The following SLC9A9 variants were observed in gnomAD, a reference collection of about 807,000 sequenced individuals.
SLC9A9 encodes solute carrier family 9 member A9.
A neutral mutation model predicts 77.8 loss-of-function variants in SLC9A9; 62 were observed. That is an observed-to-expected ratio of 0.80 (90% CI 0.65 to 0.98). The LOEUF is 0.98. SLC9A9 is among the 50% of genes least tolerant of loss of function. SLC9A9 has a pLI of 0.00. For synonymous variants in SLC9A9, 320 were observed against 283.5 expected, an observed-to-expected ratio of 1.13 and a Z score of -1.29; for missense variants, 775 against 774.9, an observed-to-expected ratio of 1.00 and a Z score of 0.00.
Position 143,767,257 on chromosome 3 carries a change from G to T in SLC9A9, c.533+27744C>A, listed in dbSNP as rs146279962. Among the ~76,000 whole-genome samples, 456 of 152,198 alleles carry T rather than the reference G, an allele frequency of 3.0e-3. 5 individuals carry two copies. The highest frequency in any genetic ancestry group is 9.1e-3 in the African/African-American group (377 of 41,518). The stretch of plus-strand genomic sequence containing the variant: ...CTTTGGGCAGGACCGGGTAACAAGA[G>T]CTTAGAAGATGAATTTCCCATACTG... On this transcript the variant is annotated intron_variant, in intron 4 of 15. Coordinates refer to ENST00000316549, the MANE Select transcript of SLC9A9 (RefSeq NM_173653.4).
In SLC9A9 at chr3:143,634,667, C is replaced by T. The variant is rs113873209; in HGVS notation, c.755+17588G>A. ...ATGTTTATTGCTTCACACACACACA[C>T]ATATAGAGACAGAGAGATCCATATT... is the stretch of plus-strand genomic sequence containing the variant. On this transcript the variant is annotated intron_variant, in intron 6 of 15. Coordinates refer to ENST00000316549, the MANE Select transcript of SLC9A9 (RefSeq NM_173653.4). Among the ~76,000 whole-genome samples, 1,081 of 152,180 alleles carry T rather than the reference C, an allele frequency of 7.1e-3. 12 individuals carry two copies. Among genetic ancestry groups the T allele is most frequent in the African/African-American group, 0.024 (999 of 41,518 alleles).
chr3:143,815,681 T>C (rs145340361), intron 2 of SLC9A9, among the ~76,000 whole-genome samples: 1,539 of 151,528 alleles, frequency 0.01, 13 homozygotes, highest in Non-Finnish European at 0.018. Flanking sequence ...CTGGCCAACA[T>C]GGTGAAATCC....
At chr3:143,340,084 T>A (rs79395877) in intron 14 of SLC9A9, among the ~76,000 whole-genome samples, 17 of 152,288 alleles carry the variant, frequency 1.1e-4, no homozygotes, top group Admixed American at 1.1e-3. Flanking sequence ...TTGATTAAAC[T>A]GATGTTAGAA....
At chr3:143,417,696 C>T (rs536063465) in intron 12 of SLC9A9, among the ~76,000 whole-genome samples, 2 of 152,176 alleles carry the variant, frequency 1.3e-5, no homozygotes, top group African/African-American at 2.4e-5. Context: ...GGAACAGACT[C>T]TGCCAGCACT....
At chr3:143,671,495 A>G (rs570741367) in intron 5 of SLC9A9, among the ~76,000 whole-genome samples, 1 of 152,314 alleles carries the variant, frequency 6.6e-6, no homozygotes, top group South Asian at 2.1e-4. Flanking sequence ...ACCCAAGAAC[A>G]CAATGTGAAA....
intron 3 of SLC9A9, among the ~76,000 whole-genome samples, chr3:143,795,728 CCAAAA>C (rs1405292186): frequency 6.6e-6 from 1 of 152,056 alleles, no homozygotes; most frequent in Non-Finnish European, 1.5e-5. Context: ...GACTGTGTCT[CCAAAA>C]CAAAACAAAA....
intron 12 of SLC9A9, among the ~76,000 whole-genome samples, chr3:143,406,608 A>T (rs571792950): frequency 6.6e-6 from 1 of 152,112 alleles, no homozygotes; most frequent in Non-Finnish European, 1.5e-5. Context: ...TTTTTCCTGT[A>T]TCTTAAAAAG....
chr3:143,411,108 T>C lies in SLC9A9; in HGVS notation c.1470-28994A>G, dbSNP rs551933802. 4.5e-4 allele frequency among the ~76,000 whole-genome samples: 69 copies of C among 152,332 alleles called. 3 individuals are homozygous for C. The highest frequency in any genetic ancestry group is 3.3e-3 in the Admixed American group (50 of 15,308). Reference sequence around the variant, plus strand: ...ACAATCCTTATAAATTTATTAAGAATTTCTTTATGTCTACAGGTGTCATTT... The same window carrying C: ...ACAATCCTTATAAATTTATTAAGAACTTCTTTATGTCTACAGGTGTCATTT... On this transcript the variant is annotated intron_variant, in intron 12 of 15. Transcript: ENST00000316549.
At chr3:143,793,142 C>T (rs1025793769) in intron 4 of SLC9A9, among the ~76,000 whole-genome samples, 2 of 151,942 alleles carry the variant, frequency 1.3e-5, no homozygotes, top group East Asian at 1.9e-4. Flanking sequence ...GGACAACCAA[C>T]AATTTAAAAT....
chr3:143,673,384 G>A (rs540992704), intron 5 of SLC9A9, among the ~76,000 whole-genome samples: 28 of 152,206 alleles, frequency 1.8e-4, no homozygotes, highest in African/African-American at 6.3e-4. Context: ...GATGATTGTC[G>A]ACACGAATTA....
chr3:143,844,863 C>T (rs946009901), intron 1 of SLC9A9, among the ~76,000 whole-genome samples: 1 of 151,606 alleles, frequency 6.6e-6, no homozygotes, highest in African/African-American at 2.4e-5. Flanking sequence ...GCTCAAAAAG[C>T]TTAAGTTTTA....
At chr3:143,324,171 G>A (rs1379621217) in intron 14 of SLC9A9, among the ~76,000 whole-genome samples, 1 of 152,050 alleles carries the variant, frequency 6.6e-6, no homozygotes, top group African/African-American at 2.4e-5. Context: ...AGAGGGAGGG[G>A]CAGAACAGCA....
intron 9 of SLC9A9, among the ~76,000 whole-genome samples, chr3:143,520,401 G>T (rs2036276940): frequency 1.3e-5 from 2 of 152,212 alleles, no homozygotes; most frequent in Admixed American, 1.3e-4. Context: ...AAACCAGGAA[G>T]AGAGTCCTCA....
chr3:143,426,279 G>A (rs1017414764), intron 12 of SLC9A9, among the ~76,000 whole-genome samples: 1 of 152,184 alleles, frequency 6.6e-6, no homozygotes, highest in Non-Finnish European at 1.5e-5. Context: ...TATTGGCACA[G>A]GTTGTAGCAG....
intron 14 of SLC9A9, among the ~76,000 whole-genome samples, chr3:143,320,691 C>T (rs1316032314): frequency 6.6e-6 from 1 of 152,228 alleles, no homozygotes; most frequent in African/African-American, 2.4e-5. Flanking sequence ...TCAGGCCCCA[C>T]TTCCAACATT....
At position 143,658,585 on chromosome 3, in the gene SLC9A9, C is replaced by CT. The variant is rs977897144; in HGVS notation, c.650-6226dup. 9.9e-4 allele frequency among the ~76,000 whole-genome samples: 150 copies of CT among 152,054 alleles called. 1 individual carries two copies. Among genetic ancestry groups the CT allele is most frequent in the African/African-American group, 3.0e-3 (123 of 41,486 alleles). On this transcript the variant is annotated intron_variant, in intron 5 of 15. Coordinates refer to ENST00000316549, the MANE Select transcript of SLC9A9 (RefSeq NM_173653.4). ...GCTGATATTTATATTTGTTTAAGCCCTTTTTTTTGAAATGTAAGGCTTTGT... is the reference window on the plus strand; with the variant it reads ...GCTGATATTTATATTTGTTTAAGCCCTTTTTTTTTGAAATGTAAGGCTTTGT...
Position 143,795,042 on chromosome 3 carries a change from C to A in SLC9A9, c.492G>T (p.Thr164=), listed in dbSNP as rs138955013. 3 of 1,613,492 alleles carry A rather than the reference C, an allele frequency of 1.9e-6. No individual in the cohort carries two copies. The highest frequency in any genetic ancestry group is 1.1e-5 in the South Asian group (1 of 91,068). The change falls in exon 4 of 16, where the codon ACG becomes ACT. Residue 164 remains threonine, a synonymous_variant. Coordinates refer to ENST00000316549, the MANE Select transcript of SLC9A9 (RefSeq NM_173653.4). ...AGATGGCAGTTCCCAAGAAGGCATA[C>A]GTTAAAATAGATCCTAAGTTTTGAA... The part of the protein sequence containing the change: ...HFFQNLGSIL[T]YAFLGTAISC...
intron 14 of SLC9A9, among the ~76,000 whole-genome samples, chr3:143,317,321 G>A (rs1484308711): frequency 2.0e-5 from 3 of 151,712 alleles, no homozygotes; most frequent in Non-Finnish European, 2.9e-5. Context: ...GCTCCTGCCC[G>A]AGGAGCTACT....
intron 12 of SLC9A9, among the ~76,000 whole-genome samples, chr3:143,436,497 G>C (rs958718026): frequency 2.6e-5 from 4 of 152,174 alleles, no homozygotes; most frequent in African/African-American, 2.4e-5. Flanking sequence ...GTGAGTTACT[G>C]TTCTGTTCTA....
Sources: gnomAD v4.1 joint callset for allele counts (sites outside exome capture counted in the v4.1 genomes callset) on GRCh38, gnomAD v4.1.1 for gene constraint, MANE v1.5 for transcripts, NCBI Gene and HGNC (gene_info 2026-07-23, HGNC 2026-07-21) for gene names.